Variants in CHD2 observed in about 807,000 individuals in gnomAD.
CHD2 encodes chromodomain helicase DNA binding protein 2, also known as ATP-dependent chromatin remodeler CHD2.
CHD2 carries 28 observed loss-of-function variants against 243.9 expected under a neutral mutation model. That is an observed-to-expected ratio of 0.11 (90% CI 0.09 to 0.16). The LOEUF (loss-of-function observed/expected upper bound fraction) is 0.16. Ranked by LOEUF, CHD2 falls within the 10% of genes least tolerant of loss-of-function variation. CHD2 has a pLI of 1.00. For missense variants in CHD2, 1,386 were observed against 2,209.8 expected (o/e 0.63, Z 7.47); for synonymous variants, 775 against 779.0 (o/e 0.99, Z 0.09).
intron 24 of CHD2, among the ~76,000 whole-genome samples, chr15:92,982,960 G>C (rs1477634417): frequency 6.6e-6 from 1 of 152,148 alleles, no homozygotes; most frequent in Non-Finnish European, 1.5e-5. Context: ...CTGAAGATTT[G>C]AAGTTTGAGA....
intron 13 of CHD2, chr15:92,949,357 T>G: frequency 1.8e-6 from 1 of 557,150 alleles, no homozygotes; most frequent in Non-Finnish European, 2.6e-6. Context: ...ATGTTACTCA[T>G]GAGTGTATAT....
At position 92,930,761 on chromosome 15, in the gene CHD2, TTCAG is replaced by T. The variant is rs1299891886; in HGVS notation, c.443+1672_443+1675del. Among the ~76,000 whole-genome samples, 3 of 152,286 alleles carry T rather than the reference TTCAG, an allele frequency of 2.0e-5. No individual in the cohort carries two copies. The East Asian group carries it at 5.8e-4, about 29-fold the overall frequency. ...TAAGAATTCCCCAAAGTTGGCAACCTTCAGTAGCATATATGGACCTTTCTTTTCC... is the reference window on the plus strand; with the variant it reads ...TAAGAATTCCCCAAAGTTGGCAACCTTAGCATATATGGACCTTTCTTTTCC... On this transcript the variant is annotated intron_variant, in intron 5 of 38. Coordinates refer to ENST00000394196, the MANE Select transcript of CHD2 (RefSeq NM_001271.4).
chr15:92,954,347 C>G lies in CHD2; in HGVS notation c.1719+774C>G, dbSNP rs1349122894. 3.3e-5 allele frequency: 5 copies of G among 152,228 alleles called. 1 individual carries two copies. The South Asian group carries it at 6.2e-4, about 19-fold the overall frequency. 9.4% of individuals were successfully genotyped at this position (152,228 alleles called of 1,614,324 possible). The stretch of plus-strand genomic sequence containing the variant: ...CAGATTCGGACACAGGTGTTTCTAT[C>G]TAGTCTAGAGCTTTGCTCTTTCATC... On this transcript the variant is annotated intron_variant, in intron 14 of 38. Transcript: ENST00000394196.
At chr15:92,918,587 C>T (rs1006009105) in intron 2 of CHD2, among the ~76,000 whole-genome samples, 1 of 152,108 alleles carries the variant, frequency 6.6e-6, no homozygotes, top group Non-Finnish European at 1.5e-5. Context: ...AAGGACTCCA[C>T]TCACTAACTC....
At chr15:92,902,396 A>C (rs1481675152) in intron 2 of CHD2, 2 of 380,268 alleles carry the variant, frequency 5.3e-6, no homozygotes, top group East Asian at 7.5e-5. Flanking sequence ...TAAATCATGC[A>C]GTTTAACAAG....
At chr15:92,916,142 C>A (rs1447852458) in intron 2 of CHD2, among the ~76,000 whole-genome samples, 1 of 152,220 alleles carries the variant, frequency 6.6e-6, no homozygotes, top group Non-Finnish European at 1.5e-5. Context: ...TCCGGCCTTT[C>A]CAGGCCAAAC....
chr15:92,935,365 A>C (rs1370995261), intron 5 of CHD2, among the ~76,000 whole-genome samples: 1 of 152,098 alleles, frequency 6.6e-6, no homozygotes, highest in Non-Finnish European at 1.5e-5. Flanking sequence ...GGGAGATTCT[A>C]AGTCCTCCTG....
intron 22 of CHD2, among the ~76,000 whole-genome samples, chr15:92,979,949 T>C (rs1255069344): frequency 6.6e-6 from 1 of 151,202 alleles, no homozygotes; most frequent in East Asian, 1.9e-4. Flanking sequence ...ATTATCAAGA[T>C]AATAATGATA....
chr15:93,003,666 C>T (rs2054285841), intron 33 of CHD2, among the ~76,000 whole-genome samples: 1 of 150,920 alleles, frequency 6.6e-6, no homozygotes, highest in Non-Finnish European at 1.5e-5. Context: ...GTTGAAGCTG[C>T]CCCCTGTTCC....
chr15:92,970,505 A>G (rs915307784), intron 17 of CHD2, among the ~76,000 whole-genome samples: 5 of 152,026 alleles, frequency 3.3e-5, no homozygotes, highest in Non-Finnish European at 2.9e-5. Context: ...CCTGGCCCAT[A>G]ATTATTATTA....
rs529414641 is a variant in CHD2, at chr15:92,939,969, C to T, written c.692+251C>T. The stretch of plus-strand genomic sequence containing the variant: ...AAAACACCACAAGTTCGTGTCCTGT[C>T]CAATGGTGACTTAGTGGCATTATCT... On this transcript the variant is annotated intron_variant, in intron 7 of 38. Transcript: ENST00000394196. Among the ~76,000 whole-genome samples the T allele has an allele frequency of 3.3e-5, 5 of 152,244 alleles. No homozygotes were observed. The East Asian group carries it at 7.7e-4, about 23-fold the overall frequency.
At chr15:92,962,500 C>T (rs1017173180) in intron 16 of CHD2, among the ~76,000 whole-genome samples, 5 of 151,844 alleles carry the variant, frequency 3.3e-5, no homozygotes, top group Non-Finnish European at 4.4e-5. Flanking sequence ...TCTTATAATT[C>T]GGTTTTGTCT....
At chr15:92,931,494 C>T (rs2141759896) in intron 5 of CHD2, among the ~76,000 whole-genome samples, 1 of 152,270 alleles carries the variant, frequency 6.6e-6, no homozygotes, top group Non-Finnish European at 1.5e-5. Flanking sequence ...ATCCTCCTAC[C>T]TCAGCCTCCC....
rs769088995 is a variant in CHD2, at chr15:92,974,962, A to C, written c.2577+12A>C. 1 of 1,611,716 alleles carries C rather than the reference A, an allele frequency of 6.2e-7. No homozygotes were observed. Among genetic ancestry groups the C allele is most frequent in the East Asian group, 2.2e-5 (1 of 44,836 alleles). On this transcript the variant is annotated intron_variant, in intron 20 of 38. Transcript: ENST00000394196. ...CAGATGGGTCTGAGGTATACTATGC[A>C]TGGCTTTGTTATTTGAGCAACTTGG...
Position 92,985,501 on chromosome 15 carries a change from C to T in CHD2, c.3241C>T (p.Gln1081Ter), listed in dbSNP as rs1210492808. 1 of 1,610,948 alleles carries T rather than the reference C, an allele frequency of 6.2e-7. No individual in the cohort carries two copies. The highest frequency in any genetic ancestry group is 8.5e-7 in the Non-Finnish European group (1 of 1,177,878). The change falls in exon 26 of 39, where the codon CAG becomes TAG. Residue 1081 changes from glutamine to a stop codon, truncating the protein, a stop_gained. Transcript: ENST00000394196. LOFTEE classifies it high-confidence loss of function. ...PRIRSSTKKA[Q>*]TNDSDSDTES... ...ACTTTGCCTCGATCTTTCTCAGGCT[C>T]AGACAAATGACAGTGACTCTGACAC...
intron 2 of CHD2, among the ~76,000 whole-genome samples, chr15:92,908,178 C>G (rs949676089): frequency 4.0e-5 from 6 of 148,676 alleles, no homozygotes; most frequent in Admixed American, 6.8e-5. Context: ...CCTGGTTTAT[C>G]CTCTGTCTCA....
intron 8 of CHD2, among the ~76,000 whole-genome samples, chr15:92,942,325 AT>A (rs2053394936): frequency 6.6e-6 from 1 of 152,126 alleles, no homozygotes; most frequent in South Asian, 2.1e-4. Context: ...TCTAATTTAG[AT>A]ATCTCATAAC....
At chr15:92,926,093 T>TC (rs1298671109) in intron 3 of CHD2, among the ~76,000 whole-genome samples, 1 of 152,114 alleles carries the variant, frequency 6.6e-6, no homozygotes, top group African/African-American at 2.4e-5. Flanking sequence ...CACCTCAGCC[T>TC]CCCAAGTAGC....
At chr15:92,914,637 T>G (rs1168158106) in intron 2 of CHD2, among the ~76,000 whole-genome samples, 1 of 152,216 alleles carries the variant, frequency 6.6e-6, no homozygotes, top group Non-Finnish European at 1.5e-5. Flanking sequence ...TTGATGGAAT[T>G]TAGCCTTTTT....
Sources: allele counts gnomAD v4.1 joint callset (sites outside exome capture counted in the v4.1 genomes callset), GRCh38; gene constraint gnomAD v4.1.1; transcripts MANE v1.5; gene names NCBI Gene and HGNC (gene_info 2026-07-23, HGNC 2026-07-21).